Variants in HLA-DRB1 observed in about 807,000 individuals in gnomAD.
The protein encoded by HLA-DRB1 is major histocompatibility complex, class II, DR beta 1 precursor.
Under a neutral mutation model 27.9 loss-of-function variants are expected in HLA-DRB1, and 10 were observed. That is an observed-to-expected ratio of 0.36 (90% CI 0.22 to 0.61). The LOEUF (loss-of-function observed/expected upper bound fraction) is 0.61, where lower values mean the gene tolerates loss of function less well. HLA-DRB1 is among the 20% of genes least tolerant of loss of function. The pLI, the probability that HLA-DRB1 is intolerant of heterozygous loss-of-function variation, is 0.73. For missense variants in HLA-DRB1, 118 were observed against 306.3 expected, an observed-to-expected ratio of 0.39 and a Z score of 4.59; for synonymous variants, 57 against 126.7, an observed-to-expected ratio of 0.45 and a Z score of 3.69.
At chr6:32,580,559 CA>C (rs1203588818) in intron 4 of HLA-DRB1, among the ~76,000 whole-genome samples, 186 bp downstream of exon 4, 1 of 119,020 alleles carries the variant, frequency 8.4e-6, no homozygotes, top group Non-Finnish European at 1.9e-5. Context: ...CTGCAGGCCA[CA>C]AGCTATTATG....
chr6:32,583,515 C>A (rs113505153), intron 2 of HLA-DRB1, among the ~76,000 whole-genome samples: 16,640 of 62,008 alleles, frequency 0.27, 5,918 homozygotes, highest in Non-Finnish European at 0.28. Context: ...AAATTTAGAT[C>A]TAAAGAAGCT....
Position 32,584,303 on chromosome 6 carries a change from T to A in HLA-DRB1, c.176A>T (p.Tyr59Phe), listed in dbSNP as rs3175105. Residue 59 changes from tyrosine (Y) to phenylalanine (F), a missense_variant, in exon 2 of 6, where the codon TAC becomes TTC. Physicochemically the swap from Tyr to Phe is conservative, Grantham distance 22. This residue lies in a region of HLA-DRB1 where 42 missense variants were observed against 104.2 expected (regional missense o/e 0.40). Coordinates refer to ENST00000360004, the Ensembl canonical transcript of HLA-DRB1. ...CACGGACTCCTCCTGGTTATAGAAG[T>A]ATCTGTCCAGGAACCGCACCCGCTC... 0.024 allele frequency: 31,336 copies of A among 1,286,482 alleles called. 160 individuals are homozygous for A. The highest frequency in any genetic ancestry group is 0.045 in the Middle Eastern group (237 of 5,294). 79.7% of individuals were successfully genotyped at this position (1,286,482 alleles called of 1,614,324 possible). A position where few individuals can be genotyped will look rare whatever the true frequency, so the allele number is the denominator to read the frequency against.
rs201219028 is a variant in HLA-DRB1 at position 32,581,843 on chromosome 6, G to T, written c.371-5C>A. ...ATACAGTCACCTTAGGTTGGACTAG[G>T]AGAAAAACAACGTAGAGGGAATGAG... On this transcript the variant is annotated splice_region_variant and splice_polypyrimidine_tract_variant and intron_variant, in intron 2 of 5. Transcript: ENST00000360004. 0.02 allele frequency: 21,743 copies of T among 1,088,186 alleles called. 780 individuals are homozygous for T. Among genetic ancestry groups the T allele is most frequent in the African/African-American group, 0.066 (3,212 of 48,696 alleles). The allele number at this position is 1,088,186 out of a possible 1,614,324, so 67.4% of individuals were successfully genotyped here.
At chr6:32,579,364 C>G (rs1021596919) in intron 5 of HLA-DRB1, among the ~76,000 whole-genome samples, 1 of 89,160 alleles carries the variant, frequency 1.1e-5, no homozygotes, top group Non-Finnish European at 2.4e-5. Context: ...TACCATCATT[C>G]TGGTGTGTCC....
At chr6:32,589,526 G>A (rs79708010) in intron 1 of HLA-DRB1, 117 bp downstream of exon 1, 43,740 of 363,656 alleles carry the variant, frequency 0.12, 8,275 homozygotes, top group African/African-American at 0.35. Context: ...GATAAAGATG[G>A]GCAATCTCTG....
exon 2 of HLA-DRB1, chr6:32,584,219 G>T (rs1059584): frequency 0.028 from 38,072 of 1,367,198 alleles, 5,505 homozygotes; most frequent in Middle Eastern, 0.11. Flanking sequence ...CCAGTACTCA[G>T]CGTCAGGCCG....
intron 5 of HLA-DRB1, among the ~76,000 whole-genome samples, chr6:32,579,842 G>A (rs59903027): frequency 0.12 from 4,124 of 34,812 alleles, 1,911 homozygotes; most frequent in Middle Eastern, 0.31. Flanking sequence ...GGTGGCTCAC[G>A]CCTGTAATCC....
intron 3 of HLA-DRB1, among the ~76,000 whole-genome samples, chr6:32,581,287 T>A (rs9269786): frequency 0.046 from 2,949 of 63,818 alleles, 3 homozygotes; most frequent in Admixed American, 0.066. Flanking sequence ...GCCTGGAGCC[T>A]GGGAGAGTGG....
intron 1 of HLA-DRB1, among the ~76,000 whole-genome samples, 179 bp downstream of exon 1, chr6:32,589,464 A>G: frequency 1.1e-5 from 1 of 92,590 alleles, no homozygotes; most frequent in Non-Finnish European, 2.3e-5. Flanking sequence ...AGTCTCATGA[A>G]GAGGGCAAGT....
rs1193436179 is a variant in HLA-DRB1, at chr6:32,579,818, T to C, written c.787+429A>G. Among the ~76,000 whole-genome samples, 2 of 40,378 alleles carry C rather than the reference T, an allele frequency of 5.0e-5. 1 individual carries two copies. The highest frequency in any genetic ancestry group is 1.0e-4 in the Non-Finnish European group (2 of 19,334). The allele number at this position is 40,378 out of a possible 152,430, so 26.5% of individuals were successfully genotyped here. A position where few individuals can be genotyped will look rare whatever the true frequency, so the allele number is the denominator to read the frequency against. Reference sequence around the variant, plus strand: ...CTGATTGGTGCATTTAGAAACCTCTTGTAGGCCGGGCGCGGTGGCTCACGC... The same window carrying C: ...CTGATTGGTGCATTTAGAAACCTCTCGTAGGCCGGGCGCGGTGGCTCACGC... On this transcript the variant is annotated intron_variant, in intron 5 of 5. Coordinates refer to ENST00000360004, the Ensembl canonical transcript of HLA-DRB1.
rs776532129 is a variant in HLA-DRB1, at chr6:32,584,017, TCACACACA to T, written c.370+84_370+91del. On this transcript the variant is annotated intron_variant, in intron 2 of 5. Transcript: ENST00000360004. ...CTCTCTGTCTCTCTCTGTCTCTCTCTCACACACACACACACACACACACACACACACAC... is the reference window on the plus strand; with the variant it reads ...CTCTCTGTCTCTCTCTGTCTCTCTCTCACACACACACACACACACACACAC... 3.9e-3 allele frequency: 698 copies of T among 181,260 alleles called. 24 individuals are homozygous for T. Among genetic ancestry groups the T allele is most frequent in the African/African-American group, 0.014 (127 of 8,874 alleles). The allele number at this position is 181,260 out of a possible 1,614,324, so 11.2% of individuals were successfully genotyped here. A position where few individuals can be genotyped will look rare whatever the true frequency, so the allele number is the denominator to read the frequency against.
chr6:32,585,143 G>T (rs9270009), intron 1 of HLA-DRB1, among the ~76,000 whole-genome samples: 47,654 of 75,088 alleles, frequency 0.63, 17,004 homozygotes, highest in Middle Eastern at 0.71. Context: ...CACATGCCCA[G>T]ATAGACATAT....
chr6:32,582,884 G>T, intron 2 of HLA-DRB1, among the ~76,000 whole-genome samples: 1 of 133,852 alleles, frequency 7.5e-6, no homozygotes, highest in Non-Finnish European at 1.6e-5. Context: ...TTAGAAGTAA[G>T]GAGAAACCTG....
At chr6:32,585,465 G>A (rs796822041) in intron 1 of HLA-DRB1, among the ~76,000 whole-genome samples, 925 of 69,548 alleles carry the variant, frequency 0.013, no homozygotes, top group East Asian at 0.077. Flanking sequence ...TTACCGTTAA[G>A]TGTAAAATTA....
At chr6:32,583,629 A>G (rs9269913) in intron 2 of HLA-DRB1, among the ~76,000 whole-genome samples, 716 of 46,408 alleles carry the variant, frequency 0.015, 29 homozygotes, top group Non-Finnish European at 0.02. Flanking sequence ...CGAAGGGTGT[A>G]TGCCAGGGAG....
Position 32,580,906 on chromosome 6 carries a change from T to C in HLA-DRB1, c.653-50A>G, listed in dbSNP as rs34292666. 3.8e-6 allele frequency: 5 copies of C among 1,329,020 alleles called. No individual in the cohort carries two copies. In the African/African-American group the frequency reaches 7.9e-5, roughly 21 times the overall value. 82.3% of individuals were successfully genotyped at this position (1,329,020 alleles called of 1,614,324 possible). Reference sequence around the variant, plus strand: ...GATGTTTATTCCAAATTGAACCTTTTTACTTGAGACTCTAAGATTTAGAGC... The same window carrying C: ...GATGTTTATTCCAAATTGAACCTTTCTACTTGAGACTCTAAGATTTAGAGC... On this transcript the variant is annotated intron_variant, in intron 3 of 5. Coordinates refer to ENST00000360004, the Ensembl canonical transcript of HLA-DRB1.
chr6:32,589,436 G>GGA (rs1777031764), intron 1 of HLA-DRB1, among the ~76,000 whole-genome samples: 1 of 64,274 alleles, frequency 1.6e-5, no homozygotes, highest in African/African-American at 6.2e-5. Context: ...AATGATTTGT[G>GGA]CAAAGGCCCC....
At chr6:32,579,252 A>AGG (rs9281864) in intron 5 of HLA-DRB1, 148 bp from the exon 6 acceptor site, 27,897 of 184,738 alleles carry the variant, frequency 0.15, 8,149 homozygotes, top group Admixed American at 0.28. Flanking sequence ...CGCAGAGCAC[A>AGG]CCTTTTCTAA....
At chr6:32,581,339 G>GAA (rs1775448064) in intron 3 of HLA-DRB1, among the ~76,000 whole-genome samples, 11 of 86,444 alleles carry the variant, frequency 1.3e-4, no homozygotes, top group East Asian at 3.4e-4. Flanking sequence ...TCAAAAGAGG[G>GAA]ACAGTCTCTC....
Sources: gnomAD v4.1 joint callset for allele counts (sites outside exome capture counted in the v4.1 genomes callset) on GRCh38, gnomAD v4.1.1 for gene constraint, gnomAD v4.1.1 regional missense constraint, MANE v1.5 for transcripts, NCBI Gene and HGNC (gene_info 2026-07-23, HGNC 2026-07-21) for gene names.